The following ITFG1 variants were observed in gnomAD, a reference collection of about 807,000 sequenced individuals.
ITFG1 encodes integrin alpha FG-GAP repeat containing 1.
Under a neutral mutation model 81.8 loss-of-function variants are expected in ITFG1, and 34 were observed. The observed-to-expected ratio is 0.42, with a 90% CI of 0.32 to 0.55. ITFG1 has a LOEUF of 0.55. Ranked by LOEUF, ITFG1 falls within the 20% of genes least tolerant of loss-of-function variation. The probability of loss-of-function intolerance (pLI) is 0.17; values close to 1 mark genes in which losing one functional copy is unlikely to be tolerated. For missense variants in ITFG1, 672 were observed against 755.4 expected (o/e 0.89, Z 1.29); for synonymous variants, 285 against 270.6 (o/e 1.05, Z -0.52).
At chr16:47,268,186 A>G (rs916319196) in intron 10 of ITFG1, among the ~76,000 whole-genome samples, 15 of 152,146 alleles carry the variant, frequency 9.9e-5, no homozygotes, top group Admixed American at 7.2e-4. Flanking sequence ...AAAAGTACCA[A>G]TATCAGAAAT....
At chr16:47,356,605 A>G (rs1287987926) in intron 8 of ITFG1, among the ~76,000 whole-genome samples, 2 of 152,210 alleles carry the variant, frequency 1.3e-5, no homozygotes, top group Non-Finnish European at 2.9e-5. Flanking sequence ...ACTTTCATCC[A>G]TTCAGTCACT....
chr16:47,291,198 TA>T (rs1433660932), intron 10 of ITFG1, among the ~76,000 whole-genome samples: 4 of 152,232 alleles, frequency 2.6e-5, no homozygotes, highest in African/African-American at 9.6e-5. Context: ...TCGTATCATG[TA>T]AAACAATTAT....
chr16:47,425,244 G>A lies in ITFG1; in HGVS notation c.655+3560C>T, dbSNP rs181498383. Reference sequence around the variant, plus strand: ...GCAACACTCCGTGGGTGTGGGACCCGTGGAGCCAGGCACGGGAAGGTATCT... The same window carrying A: ...GCAACACTCCGTGGGTGTGGGACCCATGGAGCCAGGCACGGGAAGGTATCT... On this transcript the variant is annotated intron_variant, in intron 6 of 17. Coordinates refer to ENST00000320640, the MANE Select transcript of ITFG1 (RefSeq NM_030790.5). Among the ~76,000 whole-genome samples, 178 of 152,286 alleles carry A rather than the reference G, an allele frequency of 1.2e-3. 1 individual carries two copies. Among genetic ancestry groups the A allele is most frequent in the Admixed American group, 0.011 (162 of 15,296 alleles).
intron 12 of ITFG1, among the ~76,000 whole-genome samples, chr16:47,248,426 C>T (rs1302309735): frequency 1.3e-5 from 2 of 152,066 alleles, no homozygotes; most frequent in Non-Finnish European, 1.5e-5. Context: ...TAAACCAAAA[C>T]CTTACCAATA....
chr16:47,400,788 C>T (rs1418343222), intron 6 of ITFG1, among the ~76,000 whole-genome samples: 1 of 151,888 alleles, frequency 6.6e-6, no homozygotes, highest in Non-Finnish European at 1.5e-5. Flanking sequence ...CTCCATGTGG[C>T]GGGAGCACAA....
chr16:47,230,220 A>G (rs1377289296), intron 13 of ITFG1, among the ~76,000 whole-genome samples: 1 of 152,176 alleles, frequency 6.6e-6, no homozygotes, highest in Non-Finnish European at 1.5e-5. Flanking sequence ...TAGGCAGAAG[A>G]GAAGTTCATA....
At chr16:47,160,424 T>A (rs1964785840) in intron 16 of ITFG1, among the ~76,000 whole-genome samples, 1 of 152,102 alleles carries the variant, frequency 6.6e-6, no homozygotes, top group Admixed American at 6.6e-5. Context: ...CACTCCATCT[T>A]AAGAGACTGT....
intron 5 of ITFG1, among the ~76,000 whole-genome samples, chr16:47,437,653 T>A (rs1448236309): frequency 6.6e-6 from 1 of 152,194 alleles, no homozygotes. Context: ...ATACTCACTG[T>A]CTCATTCAGC....
chr16:47,396,250 T>C (rs1968591625), intron 6 of ITFG1: 13 of 692,486 alleles, frequency 1.9e-5, no homozygotes, highest in Non-Finnish European at 2.3e-5. Flanking sequence ...GTACAGCTGT[T>C]AGCTGTTGCT....
At chr16:47,438,837 A>C (rs13333268) in intron 5 of ITFG1, among the ~76,000 whole-genome samples, 2,544 of 152,364 alleles carry the variant, frequency 0.017, 71 homozygotes, top group African/African-American at 0.057. Context: ...TGGATGGAGA[A>C]TGACTTTGAC....
Position 47,218,935 on chromosome 16 carries a change from C to T in ITFG1, c.1386G>A (p.Val462=). 1 of 1,595,228 alleles carries T rather than the reference C, an allele frequency of 6.3e-7. No homozygotes were observed. Among genetic ancestry groups the T allele is most frequent in the Non-Finnish European group, 8.5e-7 (1 of 1,169,868 alleles). Residue 462 remains valine (V), a synonymous_variant, in exon 14 of 18, where the codon GTG becomes GTA. Transcript: ENST00000320640. The part of the protein sequence containing the change: ...DCPRKITPFG[V]NQPGPYIMYT... Reference sequence around the variant, plus strand: ...ACATGATATAAGGTCCAGGTTGATTCACTCCAAAGGGCTGCAATAGAAAAA... The same window carrying T: ...ACATGATATAAGGTCCAGGTTGATTTACTCCAAAGGGCTGCAATAGAAAAA...
intron 14 of ITFG1, among the ~76,000 whole-genome samples, chr16:47,210,075 A>G (rs1324554932): frequency 1.3e-5 from 2 of 152,154 alleles, no homozygotes; most frequent in Non-Finnish European, 2.9e-5. Flanking sequence ...TGGGACTGCA[A>G]TTGCTGGGTC....
intron 8 of ITFG1, among the ~76,000 whole-genome samples, chr16:47,363,699 C>T (rs1257444185): frequency 1.3e-5 from 2 of 152,154 alleles, no homozygotes; most frequent in Non-Finnish European, 2.9e-5. Context: ...CTATAATTTA[C>T]TTTTTTGCTA....
chr16:47,376,036 C>G, intron 6 of ITFG1, 96 bp from the exon 7 acceptor site: 5 of 636,104 alleles, frequency 7.9e-6, no homozygotes, highest in Non-Finnish European at 1.4e-5. Context: ...AAAGAATTGA[C>G]ACAATTCTAC....
intron 7 of ITFG1, among the ~76,000 whole-genome samples, chr16:47,373,293 TCC>T (rs372865866): frequency 3.9e-4 from 59 of 152,250 alleles, no homozygotes; most frequent in African/African-American, 1.4e-3. Flanking sequence ...TCTTTTTTTT[TCC>T]TTTTGAGATG....
At chr16:47,187,331 T>TG (rs1448036166) in intron 14 of ITFG1, among the ~76,000 whole-genome samples, 26 of 152,268 alleles carry the variant, frequency 1.7e-4, no homozygotes, top group African/African-American at 5.8e-4. Context: ...AGAACAAAGC[T>TG]GGAGGCATCA....
At chr16:47,237,378 A>C (rs1965888623) in intron 13 of ITFG1, among the ~76,000 whole-genome samples, 1 of 152,192 alleles carries the variant, frequency 6.6e-6, no homozygotes, top group African/African-American at 2.4e-5. Context: ...TTATGAAACA[A>C]GGATTACTAC....
chr16:47,340,644 C>T (rs1388127801), intron 8 of ITFG1, among the ~76,000 whole-genome samples: 1 of 151,926 alleles, frequency 6.6e-6, no homozygotes, highest in Non-Finnish European at 1.5e-5. Context: ...AGAAAACAAA[C>T]AGGAAAATGG....
chr16:47,443,877 C>T (rs1969288525), intron 5 of ITFG1, among the ~76,000 whole-genome samples: 1 of 151,748 alleles, frequency 6.6e-6, no homozygotes, highest in African/African-American at 2.4e-5. Context: ...TGCACATGTA[C>T]CCTAAAACTT....
Sources: gnomAD v4.1 joint callset for allele counts (sites outside exome capture counted in the v4.1 genomes callset) on GRCh38, gnomAD v4.1.1 for gene constraint, MANE v1.5 for transcripts, NCBI Gene and HGNC (gene_info 2026-07-23, HGNC 2026-07-21) for gene names.